C10orf67: variants seen among roughly 807,000 people sequenced by gnomAD.
C10orf67 encodes chromosome 10 open reading frame 67, also known as uncharacterized protein C10orf67, mitochondrial.
C10orf67 carries 60 observed loss-of-function variants against 35.6 expected under a neutral mutation model. The observed-to-expected ratio is 1.68, with a 90% CI of 1.37 to 2.09. The LOEUF (loss-of-function observed/expected upper bound fraction) is 2.09, where lower values mean the gene tolerates loss of function less well. C10orf67 is among the 30% of genes most tolerant of loss of function. The pLI is 0.00. For missense variants in C10orf67, 474 were observed against 330.2 expected (o/e 1.44, Z -3.38); for synonymous variants, 167 against 115.8 (o/e 1.44, Z -2.84).
At chr10:23,245,368 A>G (rs1440388594) in intron 12 of C10orf67, among the ~76,000 whole-genome samples, 1 of 152,228 alleles carries the variant, frequency 6.6e-6, no homozygotes, top group East Asian at 1.9e-4. Context: ...AAGTAGGATT[A>G]TTTCAAACTA....
At chr10:23,330,918 GA>G (rs1845420741) in intron 2 of C10orf67, among the ~76,000 whole-genome samples, 1 of 149,922 alleles carries the variant, frequency 6.7e-6, no homozygotes, top group South Asian at 2.1e-4. Flanking sequence ...TCTAGCGGAA[GA>G]AGTAAGAAAA....
intron 4 of C10orf67, among the ~76,000 whole-genome samples, chr10:23,316,108 A>G (rs113610160): frequency 0.017 from 2,631 of 152,314 alleles, 35 homozygotes; most frequent in Middle Eastern, 0.088. Context: ...TGCTCGGCTC[A>G]TACTACCAGC....
chr10:23,309,007 T>C (rs1436378636), intron 4 of C10orf67, among the ~76,000 whole-genome samples: 3 of 152,124 alleles, frequency 2.0e-5, no homozygotes, highest in Admixed American at 2.0e-4. Flanking sequence ...CACTTTATTA[T>C]TTGCTTACTT....
intron 2 of C10orf67, among the ~76,000 whole-genome samples, chr10:23,329,998 A>G (rs574133671): frequency 1.3e-5 from 2 of 152,340 alleles, no homozygotes; most frequent in Non-Finnish European, 2.9e-5. Context: ...ATCATCAGAT[A>G]AAGGAGAAAA....
chr10:23,233,191 T>C (rs546326903), intron 13 of C10orf67, among the ~76,000 whole-genome samples: 6 of 152,246 alleles, frequency 3.9e-5, no homozygotes, highest in African/African-American at 1.2e-4. Context: ...AAGAAACATG[T>C]CTGAGTTGAA....
intron 8 of C10orf67, 100 bp from the exon 9 acceptor site, chr10:23,267,354 A>C: frequency 1.8e-6 from 1 of 568,484 alleles, no homozygotes; most frequent in South Asian, 2.5e-5. Context: ...GTAACGTTTT[A>C]AACCATTTGT....
At chr10:23,296,502 G>A (rs1396801042) in intron 5 of C10orf67, among the ~76,000 whole-genome samples, 1 of 152,200 alleles carries the variant, frequency 6.6e-6, no homozygotes, top group Non-Finnish European at 1.5e-5. Flanking sequence ...AGTCGGCCTA[G>A]GAAATCCAGC....
At chr10:23,221,230 G>A (rs1841572213) in intron 15 of C10orf67, among the ~76,000 whole-genome samples, 1 of 152,148 alleles carries the variant, frequency 6.6e-6, no homozygotes, top group Admixed American at 6.5e-5. Context: ...GAGCAGGAGA[G>A]AGCGAGAGAG....
chr10:23,240,052 G>C lies in C10orf67; in HGVS notation c.1347-236C>G, dbSNP rs78028206. Among the ~76,000 whole-genome samples the C allele has an allele frequency of 3.0e-3, 460 of 152,138 alleles. 14 individuals are homozygous for C. The East Asian group carries it at 0.05, about 17-fold the overall frequency. ...ATAAAAAAAAAATAACCAGGCATGC[G>C]TGGTGGTACATGCCTGTAGTCCCAG... On this transcript the variant is annotated intron_variant, in intron 12 of 15. Transcript: ENST00000636213.
At chr10:23,267,871 A>G (rs777220045) in intron 8 of C10orf67, among the ~76,000 whole-genome samples, 72 of 152,258 alleles carry the variant, frequency 4.7e-4, no homozygotes, top group South Asian at 1.9e-3. Flanking sequence ...ATTGCACTCC[A>G]GCCTGGGCAA....
chr10:23,202,405 CATTA>C (rs1468588500), downstream of C10orf67: 11 of 151,748 alleles, frequency 7.2e-5, 1 homozygote, highest in Admixed American at 7.2e-4. Flanking sequence ...CCCTTTCTGG[CATTA>C]ATTACACTGC....
chr10:23,301,515 G>C (rs1191931509), intron 5 of C10orf67, among the ~76,000 whole-genome samples: 1 of 152,190 alleles, frequency 6.6e-6, no homozygotes, highest in Non-Finnish European at 1.5e-5. Flanking sequence ...GGTCCCATGT[G>C]GGTCACCAAA....
chr10:23,289,361 A>C (rs9731468), intron 7 of C10orf67, among the ~76,000 whole-genome samples: 1 of 152,088 alleles, frequency 6.6e-6, no homozygotes, highest in African/African-American at 2.4e-5. Context: ...AAGGGGTCTC[A>C]CTATGTTTTC....
intron 2 of C10orf67, among the ~76,000 whole-genome samples, chr10:23,331,169 ACCGGGACGGGG>A (rs1845438139): frequency 3.4e-5 from 5 of 145,002 alleles, no homozygotes; most frequent in South Asian, 2.3e-4. Flanking sequence ...AGGGAAGGGA[ACCGGGACGGGG>A]AAGGGAAGGG....
chr10:23,262,805 C>T (rs1465957796), intron 10 of C10orf67, among the ~76,000 whole-genome samples: 2 of 152,138 alleles, frequency 1.3e-5, no homozygotes, highest in Non-Finnish European at 2.9e-5. Context: ...AAGACAAAAG[C>T]CACCTTTCAG....
chr10:23,228,102 A>G (rs1417326347), intron 13 of C10orf67, among the ~76,000 whole-genome samples: 1 of 152,220 alleles, frequency 6.6e-6, no homozygotes, highest in Non-Finnish European at 1.5e-5. Context: ...TAAAGTTCAT[A>G]TGGAACCAAA....
At chr10:23,219,193 TC>T (rs1841511105) in intron 15 of C10orf67, among the ~76,000 whole-genome samples, 1 of 152,226 alleles carries the variant, frequency 6.6e-6, no homozygotes, top group African/African-American at 2.4e-5. Flanking sequence ...GGATGATTCT[TC>T]CCTAGAAGTC....
chr10:23,273,885 G>T (rs928437689), intron 8 of C10orf67, among the ~76,000 whole-genome samples: 3 of 152,156 alleles, frequency 2.0e-5, no homozygotes, highest in African/African-American at 7.2e-5. Context: ...ACTCTGTATT[G>T]TTTCTCACAG....
chr10:23,319,221 T>G (rs532998966), intron 4 of C10orf67, among the ~76,000 whole-genome samples: 20 of 152,172 alleles, frequency 1.3e-4, no homozygotes, highest in Non-Finnish European at 2.5e-4. Context: ...ATGTTCTCAA[T>G]GTTTAGCTCC....
Sources: gnomAD v4.1 joint callset for allele counts (sites outside exome capture counted in the v4.1 genomes callset) on GRCh38, gnomAD v4.1.1 for gene constraint, MANE v1.5 for transcripts, NCBI Gene and HGNC (gene_info 2026-07-23, HGNC 2026-07-21) for gene names.